DOCK7: variants seen among roughly 807,000 people sequenced by gnomAD.
The protein encoded by DOCK7 is dedicator of cytokinesis protein 7.
In DOCK7, 138 loss-of-function variants were observed where a neutral mutation model predicts 271.0. That is an observed-to-expected ratio of 0.51 (90% CI 0.44 to 0.59). The LOEUF (loss-of-function observed/expected upper bound fraction) is 0.59, where lower values mean the gene tolerates loss of function less well. Ranked by LOEUF, DOCK7 falls within the 20% of genes least tolerant of loss-of-function variation. The pLI, the probability that DOCK7 is intolerant of heterozygous loss-of-function variation, is 0.00. For missense variants in DOCK7, 2,066 were observed against 2,592.4 expected (o/e 0.80, Z 4.41); for synonymous variants, 823 against 876.1 (o/e 0.94, Z 1.07).
intron 18 of DOCK7, among the ~76,000 whole-genome samples, chr1:62,573,939 T>C (rs1408380740): frequency 6.6e-6 from 1 of 152,102 alleles, no homozygotes; most frequent in Non-Finnish European, 1.5e-5. Context: ...ATTTTTACCA[T>C]AATTTTTAAA....
At chr1:62,512,984 AT>A (rs1018081277) in intron 33 of DOCK7, among the ~76,000 whole-genome samples, 3 of 151,800 alleles carry the variant, frequency 2.0e-5, no homozygotes, top group African/African-American at 7.3e-5. Flanking sequence ...CTGGGTGATG[AT>A]GTGTTAATGT....
chr1:62,647,546 T>C, intron 7 of DOCK7, 145 bp downstream of exon 7: 1 of 623,458 alleles, frequency 1.6e-6, no homozygotes, highest in South Asian at 2.1e-5. Context: ...GTTTGAATGC[T>C]GAATAGTATT....
intron 31 of DOCK7, among the ~76,000 whole-genome samples, chr1:62,522,969 A>G (rs1644896380): frequency 6.6e-6 from 1 of 152,186 alleles, no homozygotes; most frequent in Non-Finnish European, 1.5e-5. Context: ...AAAAATATCA[A>G]GCACGAATAA....
intron 16 of DOCK7, among the ~76,000 whole-genome samples, chr1:62,582,783 T>C (rs1271986636): frequency 6.6e-6 from 1 of 151,886 alleles, no homozygotes; most frequent in African/African-American, 2.4e-5. Flanking sequence ...GGAAGAAAAA[T>C]GACAAGTCAC....
chr1:62,499,872 C>T (rs1646729209), intron 37 of DOCK7, among the ~76,000 whole-genome samples: 1 of 151,672 alleles, frequency 6.6e-6, no homozygotes, highest in Non-Finnish European at 1.5e-5. Context: ...AGAGCAAGAC[C>T]CTGTCTCTAA....
intron 7 of DOCK7, among the ~76,000 whole-genome samples, chr1:62,637,243 C>T (rs1571859988): frequency 6.6e-6 from 1 of 151,982 alleles, no homozygotes; most frequent in Non-Finnish European, 1.5e-5. Context: ...CATAGTAATT[C>T]CCATTATATG....
chr1:62,455,081 A>G lies in DOCK7; in HGVS notation c.*333T>C. The G allele has an allele frequency of 2.0e-6, 1 of 489,758 alleles. No individual in the cohort carries two copies. The highest frequency in any genetic ancestry group is 3.6e-6 in the Non-Finnish European group (1 of 279,388). The allele number at this position is 489,758 out of a possible 1,614,324, so 30.3% of individuals were successfully genotyped here. ...TTACTACATTTAAAATGGTTCCAAA[A>G]TGAATCTATAAATGGTAATATAAAT... On this transcript the variant is annotated 3_prime_UTR_variant, in exon 50 of 50. Coordinates refer to ENST00000635253, the MANE Select transcript of DOCK7 (RefSeq NM_001367561.1).
intron 1 of DOCK7, among the ~76,000 whole-genome samples, chr1:62,686,067 T>C (rs1427615292): frequency 6.6e-6 from 1 of 152,214 alleles, no homozygotes; most frequent in African/African-American, 2.4e-5. Flanking sequence ...CTCTCTAAAG[T>C]GCACTTACTT....
intron 36 of DOCK7, 145 bp downstream of exon 36, chr1:62,505,537 G>C: frequency 1.1e-6 from 1 of 896,608 alleles, no homozygotes; most frequent in African/African-American, 1.7e-5. Context: ...AGAATTAAGG[G>C]TCTTAGGTTA....
chr1:62,671,575 C>T (rs549268321), intron 1 of DOCK7, among the ~76,000 whole-genome samples: 1 of 152,218 alleles, frequency 6.6e-6, no homozygotes, highest in East Asian at 1.9e-4. Context: ...TTTCAAAACA[C>T]CTTTTAGAGT....
At chr1:62,616,726 A>C (rs1652483784) in intron 14 of DOCK7, among the ~76,000 whole-genome samples, 1 of 151,738 alleles carries the variant, frequency 6.6e-6, no homozygotes, top group Admixed American at 6.6e-5. Context: ...TCTATAAAGC[A>C]CTAAATAAAT....
At chr1:62,582,279 G>A (rs544423399) in intron 16 of DOCK7, among the ~76,000 whole-genome samples, 4 of 152,020 alleles carry the variant, frequency 2.6e-5, no homozygotes, top group Admixed American at 6.6e-5. Flanking sequence ...GGCCGGGCGC[G>A]GTGGCTCACG....
At chr1:62,574,079 C>A (rs1395714641) in intron 18 of DOCK7, among the ~76,000 whole-genome samples, 1 of 152,100 alleles carries the variant, frequency 6.6e-6, no homozygotes, top group East Asian at 1.9e-4. Flanking sequence ...CCACCCAGAA[C>A]CCCATGAGTT....
intron 2 of DOCK7, among the ~76,000 whole-genome samples, chr1:62,657,731 A>G (rs2149704485): frequency 6.6e-6 from 1 of 152,288 alleles, no homozygotes; most frequent in Middle Eastern, 3.4e-3. Context: ...GATATAAAGA[A>G]CTAAATGGAA....
At chr1:62,523,473 G>T (rs542045606) in intron 31 of DOCK7, among the ~76,000 whole-genome samples, 1 of 151,922 alleles carries the variant, frequency 6.6e-6, no homozygotes, top group African/African-American at 2.4e-5. Context: ...AAAAAATTTC[G>T]AATGTAACAC....
chr1:62,484,819 A>G (rs562633916), intron 43 of DOCK7: 1 of 152,298 alleles, frequency 6.6e-6, no homozygotes, highest in African/African-American at 2.4e-5. Context: ...ATAATTAAAT[A>G]TGAATCATAA....
At chr1:62,492,178 A>T (rs1646486374) in intron 41 of DOCK7, 1 of 152,480 alleles carries the variant, frequency 6.6e-6, no homozygotes. Context: ...AAACCACTGG[A>T]ACACTGGGGG....
intron 48 of DOCK7, among the ~76,000 whole-genome samples, chr1:62,471,627 G>C (rs1454337373): frequency 1.3e-5 from 2 of 151,794 alleles, no homozygotes; most frequent in African/African-American, 4.9e-5. Context: ...GCACTACAGA[G>C]TCTGGGCGAC....
intron 8 of DOCK7, among the ~76,000 whole-genome samples, chr1:62,636,260 T>C (rs990238270): frequency 6.6e-6 from 1 of 152,230 alleles, no homozygotes; most frequent in African/African-American, 2.4e-5. Flanking sequence ...TGTTATGTAC[T>C]GCTTGCCAAA....
Sources: allele counts gnomAD v4.1 joint callset (sites outside exome capture counted in the v4.1 genomes callset), GRCh38; gene constraint gnomAD v4.1.1; transcripts MANE v1.5; gene names NCBI Gene and HGNC (gene_info 2026-07-23, HGNC 2026-07-21).